Variants in TBC1D7 observed in about 807,000 individuals in gnomAD.
TBC1D7 encodes TBC1 domain family member 7, also known as TBC domain family 7.
TBC1D7 carries 33 observed loss-of-function variants against 35.3 expected under a neutral mutation model. That is an observed-to-expected ratio of 0.93 (90% CI 0.71 to 1.25). The LOEUF (loss-of-function observed/expected upper bound fraction) is 1.25, where lower values mean the gene tolerates loss of function less well. TBC1D7 is among the 50% of genes most tolerant of loss of function. The pLI, the probability that TBC1D7 is intolerant of heterozygous loss-of-function variation, is 0.00. For synonymous variants in TBC1D7, 135 were observed against 129.5 expected (o/e 1.04, Z -0.29); for missense variants, 362 against 365.3 (o/e 0.99, Z 0.07).
chr6:13,313,799 A>C (rs2127530232), intron 5 of TBC1D7, among the ~76,000 whole-genome samples: 1 of 152,262 alleles, frequency 6.6e-6, no homozygotes, highest in Non-Finnish European at 1.5e-5. Context: ...AGGTGGAGGA[A>C]AGGTGATGGT....
At chr6:13,321,498 C>T (rs1174984674) in intron 3 of TBC1D7, among the ~76,000 whole-genome samples, 1 of 152,200 alleles carries the variant, frequency 6.6e-6, no homozygotes, top group South Asian at 2.1e-4. Context: ...TCAGAACCAC[C>T]AACAGCCCAT....
intron 1 of TBC1D7, 133 bp from the exon 2 acceptor site, chr6:13,327,039 T>C (rs1784448418): frequency 3.8e-6 from 2 of 532,774 alleles, no homozygotes; most frequent in Non-Finnish European, 6.5e-6. Flanking sequence ...TACCCTTGCA[T>C]AGGACCCAAT....
intron 3 of TBC1D7, among the ~76,000 whole-genome samples, chr6:13,323,964 A>C (rs1411809420): frequency 6.6e-6 from 1 of 152,216 alleles, no homozygotes; most frequent in Non-Finnish European, 1.5e-5. Context: ...TACCTGCCTC[A>C]CAGGGATTCT....
intron 6 of TBC1D7, 103 bp downstream of exon 6, chr6:13,307,497 T>C: frequency 8.4e-7 from 1 of 1,192,828 alleles, no homozygotes; most frequent in Non-Finnish European, 1.2e-6. Context: ...CAAATTACTG[T>C]ATTGTTCTAA....
At chr6:13,327,553 T>G (rs1784480394) in intron 1 of TBC1D7, 1 of 152,170 alleles carries the variant, frequency 6.6e-6, no homozygotes, top group South Asian at 2.1e-4. Flanking sequence ...AGTGTAGCTA[T>G]CGAAATTCAA....
chr6:13,311,716 G>A (rs1261218972), intron 5 of TBC1D7, among the ~76,000 whole-genome samples: 1 of 152,158 alleles, frequency 6.6e-6, no homozygotes, highest in African/African-American at 2.4e-5. Flanking sequence ...GAAAGTTTAA[G>A]GGACATGAAG....
rs201457396 is a variant in TBC1D7, at chr6:13,326,462, C to CAA, written c.112+323_112+324dup. 0.01 allele frequency among the ~76,000 whole-genome samples: 926 copies of CAA among 91,344 alleles called. 11 individuals carry two copies. Among genetic ancestry groups the CAA allele is most frequent in the African/African-American group, 0.033 (869 of 26,010 alleles). The allele number at this position is 91,344 out of a possible 152,430, so 59.9% of individuals were successfully genotyped here. On this transcript the variant is annotated intron_variant, in intron 2 of 7. Coordinates refer to ENST00000379300, the MANE Select transcript of TBC1D7 (RefSeq NM_016495.6). ...TGGGCAACAGAGTCAGACTTGGTCTCAAAAAAAAAAAAAAAGAAAATCATG... is the reference window on the plus strand; with the variant it reads ...TGGGCAACAGAGTCAGACTTGGTCTCAAAAAAAAAAAAAAAAAGAAAATCATG...
chr6:13,315,216 T>C (rs1293587924), intron 5 of TBC1D7, among the ~76,000 whole-genome samples: 2 of 152,200 alleles, frequency 1.3e-5, no homozygotes, highest in Admixed American at 1.3e-4. Flanking sequence ...CTTCCACCTC[T>C]GCCAACCCCT....
rs1784308749 is a variant in TBC1D7 at position 13,325,008 on chromosome 6, TCTC to T, written c.193+83_193+85del. ...TATTCAGTAAAAGGCCTAAACAAAT[TCTC>T]CTTTTTCTGACTGATAAGATAGCAA... On this transcript the variant is annotated intron_variant, in intron 3 of 7. Transcript: ENST00000379300. 4.9e-6 allele frequency: 5 copies of T among 1,016,198 alleles called. No homozygotes were observed. The East Asian group carries it at 1.2e-4, about 25-fold the overall frequency. The allele number at this position is 1,016,198 out of a possible 1,614,324, so 62.9% of individuals were successfully genotyped here. A position where few individuals can be genotyped will look rare whatever the true frequency, so the allele number is the denominator to read the frequency against.
At chr6:13,325,271 C>T (rs1187658422) in intron 2 of TBC1D7, 97 bp from the exon 3 acceptor site, 2 of 855,764 alleles carry the variant, frequency 2.3e-6, no homozygotes, top group African/African-American at 3.4e-5. Flanking sequence ...ATAGTTAAGA[C>T]ATTTCTTCAG....
Position 13,305,107 on chromosome 6 carries a change from T to C in TBC1D7, c.876A>G (p.Ser292=). Residue 292 remains serine, a synonymous_variant, in exon 8 of 8, where the codon TCA becomes TCG. Transcript: ENST00000379300. ...CCACAACCAGCGGGTGCGTTCAGCT[T>C]GAATGGACCGGGGTCCCACAGTGTT... ...WHKHCGTPVH[S]S is the part of the protein sequence containing the mutation. 1 of 1,611,556 alleles carries C rather than the reference T, an allele frequency of 6.2e-7. No individual in the cohort carries two copies. The highest frequency in any genetic ancestry group is 8.5e-7 in the Non-Finnish European group (1 of 1,178,638).
intron 4 of TBC1D7, chr6:13,320,520 A>G (rs1685741247): frequency 1.9e-6 from 1 of 536,304 alleles, no homozygotes; most frequent in Admixed American, 3.6e-5. Flanking sequence ...ATGCACACAA[A>G]GCAAAACAGA....
rs3816212 is a variant in TBC1D7, at chr6:13,316,980, A to G, written c.382-272T>C. ...GCTTCTAACATTAAGCCCCTCACAGAGTCAACATAAATCATAAGCAAGTCA... is the reference window on the plus strand; with the variant it reads ...GCTTCTAACATTAAGCCCCTCACAGGGTCAACATAAATCATAAGCAAGTCA... On this transcript the variant is annotated intron_variant, in intron 4 of 7. Coordinates refer to ENST00000379300, the MANE Select transcript of TBC1D7 (RefSeq NM_016495.6). Among the ~76,000 whole-genome samples the G allele has an allele frequency of 0.012, 1,812 of 152,280 alleles. 32 individuals carry two copies. Among genetic ancestry groups the G allele is most frequent in the East Asian group, 0.049 (254 of 5,180 alleles).
At chr6:13,315,622 CAGG>C (rs1004846867) in intron 5 of TBC1D7, among the ~76,000 whole-genome samples, 1 of 152,148 alleles carries the variant, frequency 6.6e-6, no homozygotes, top group African/African-American at 2.4e-5. Flanking sequence ...GAGGCTAAAG[CAGG>C]AGAATCATTT....
At chr6:13,318,316 A>C (rs1017633638) in intron 4 of TBC1D7, 1 of 152,250 alleles carries the variant, frequency 6.6e-6, no homozygotes, top group Non-Finnish European at 1.5e-5. Context: ...GGGATGGCAG[A>C]GTCCAAAACA....
At chr6:13,325,205 C>G in intron 2 of TBC1D7, 31 bp from the exon 3 acceptor site, 1 of 1,485,248 alleles carries the variant, frequency 6.7e-7, no homozygotes, top group East Asian at 2.3e-5. Flanking sequence ...TTGTTAGAAG[C>G]TTTTCATGCT....
chr6:13,325,382 G>C (rs1169180356), intron 2 of TBC1D7, among the ~76,000 whole-genome samples: 1 of 152,170 alleles, frequency 6.6e-6, no homozygotes, highest in Non-Finnish European at 1.5e-5. Flanking sequence ...ACAATTTGCG[G>C]CCAGGCACGG....
intron 3 of TBC1D7, among the ~76,000 whole-genome samples, chr6:13,323,399 G>A (rs527395217): frequency 1.3e-5 from 2 of 151,892 alleles, no homozygotes; most frequent in Non-Finnish European, 2.9e-5. Flanking sequence ...AAGAGTAGAA[G>A]TGAGGAATAA....
intron 5 of TBC1D7, among the ~76,000 whole-genome samples, chr6:13,313,620 G>T (rs1783388837): frequency 6.6e-6 from 1 of 152,178 alleles, no homozygotes; most frequent in Non-Finnish European, 1.5e-5. Context: ...GATCTCTTAG[G>T]TTTAAATAGA....
Sources: gnomAD v4.1 joint callset for allele counts (sites outside exome capture counted in the v4.1 genomes callset) on GRCh38, gnomAD v4.1.1 for gene constraint, MANE v1.5 for transcripts, NCBI Gene and HGNC (gene_info 2026-07-23, HGNC 2026-07-21) for gene names.